Variants in NOS2 observed in about 807,000 individuals in gnomAD.
The protein encoded by NOS2 is nitric oxide synthase, inducible.
A neutral mutation model predicts 136.0 loss-of-function variants in NOS2; 96 were observed. The observed-to-expected ratio is 0.71, with a 90% CI of 0.60 to 0.84. NOS2 has a LOEUF of 0.84. NOS2 is among the 40% of genes least tolerant of loss of function. The pLI is 0.00. For synonymous variants in NOS2, 539 were observed against 587.5 expected (o/e 0.92, Z 1.20); for missense variants, 1,237 against 1,496.9 (o/e 0.83, Z 2.87).
chr17:27,761,710 T>C (rs550000804), intron 22 of NOS2, among the ~76,000 whole-genome samples: 18 of 152,164 alleles, frequency 1.2e-4, no homozygotes, highest in African/African-American at 3.9e-4. Context: ...GTGGATGAGT[T>C]CCGCGCATTT....
At chr17:27,773,678 C>T (rs1908571319) in intron 12 of NOS2, among the ~76,000 whole-genome samples, 1 of 152,114 alleles carries the variant, frequency 6.6e-6, no homozygotes, top group Non-Finnish European at 1.5e-5. Flanking sequence ...GGAAGCTCTT[C>T]CTTTAGATGA....
chr17:27,799,862 A>G (rs1055769783), intron 1 of NOS2, among the ~76,000 whole-genome samples: 2 of 151,998 alleles, frequency 1.3e-5, no homozygotes, highest in African/African-American at 2.4e-5. Flanking sequence ...AAGGAAGGAA[A>G]GAGGGAAAGA....
rs200519404 is a variant in NOS2, at chr17:27,761,175, G to C, written c.2857C>G (p.Pro953Ala). The C allele has an allele frequency of 1.3e-5, 21 of 1,608,914 alleles. No individual in the cohort carries two copies. The highest frequency in any genetic ancestry group is 1.7e-5 in the Non-Finnish European group (20 of 1,178,440). The change falls in exon 23 of 27, where the codon CCC becomes GCC. Residue 953 changes from proline (P) to alanine (A), a missense_variant. This residue lies in a region of NOS2 where 782 missense variants were observed against 909.9 expected (regional missense o/e 0.86). Transcript: ENST00000313735. Reference sequence around the variant, plus strand: ...ACAAAGCAGGGCACTGGGTCTTGGGGCTTCAGGCTGTTGAGCCATGTGCTG... The same window carrying C: ...ACAAAGCAGGGCACTGGGTCTTGGGCCTTCAGGCTGTTGAGCCATGTGCTG... ...VCSTWLNSLK[P>A]QDPVPCFVRN...
chr17:27,767,957 A>T (rs1908362810), intron 17 of NOS2, 120 bp from the exon 18 acceptor site: 2 of 1,253,104 alleles, frequency 1.6e-6, no homozygotes, highest in Non-Finnish European at 2.2e-6. Context: ...GTTTCGTGTA[A>T]CTTCGAAGCA....
At chr17:27,779,306 ATTATTATTATTATTATTATT>A (rs1485017786) in intron 9 of NOS2, among the ~76,000 whole-genome samples, 1 of 145,510 alleles carries the variant, frequency 6.9e-6, no homozygotes, top group Non-Finnish European at 1.5e-5. Flanking sequence ...TATTATTATT[ATTATTATTATTATTATTATT>A]ATTTTATAGA....
At position 27,774,565 on chromosome 17, in the gene NOS2, C is replaced by T. The variant is rs926892279; in HGVS notation, c.1282-114G>A. 8.7e-5 allele frequency: 59 copies of T among 674,856 alleles called. 1 individual carries two copies. In the South Asian group the frequency reaches 8.8e-4, roughly 10 times the overall value. 41.8% of individuals were successfully genotyped at this position (674,856 alleles called of 1,614,324 possible). On this transcript the variant is annotated intron_variant, in intron 11 of 26. Transcript: ENST00000313735. ...TGGGAAGGCCTGGCAATCTGTAACA[C>T]GGGAGAGCAACTCCTGGCCCTCTCC...
rs1320634348 is a variant in NOS2, at chr17:27,769,532, T to C, written c.1859+3A>G. ...AGGAGTAGGACAACGGAAAAAGCTT[T>C]ACCTGAATTTGTTGTTGAGCTCTTT... On this transcript the variant is annotated splice_donor_region_variant and intron_variant, in intron 16 of 26. Coordinates refer to ENST00000313735, the MANE Select transcript of NOS2 (RefSeq NM_000625.4). 4.3e-6 allele frequency: 7 copies of C among 1,612,868 alleles called. No individual in the cohort carries two copies. The highest frequency in any genetic ancestry group is 5.1e-6 in the Non-Finnish European group (6 of 1,179,190).
chr17:27,770,869 G>A (rs201956477), intron 15 of NOS2, 44 bp downstream of exon 15: 61 of 1,462,288 alleles, frequency 4.2e-5, no homozygotes, highest in Middle Eastern at 1.7e-4. Flanking sequence ...GGGTCCTCCC[G>A]TGCCCTACCA....
In NOS2 at chr17:27,757,348, C is replaced by G. The variant is rs758485499; in HGVS notation, c.3360G>C (p.Gln1120His). ...CAAAGATATCTTCGTGATAGCGCTT[C>G]TGGCTCTTTTAGGTAAAAACAGAGA... The part of the protein sequence containing the change: ...VEDYFFQLKS[Q>H]KRYHEDIFGA... The change falls in exon 27 of 27, where the codon CAG (glutamine) becomes CAC (histidine). Residue 1120 changes from glutamine to histidine, a missense_variant. By Grantham distance (24) the Gln-to-His change is conservative. This residue lies in a region of NOS2 where 782 missense variants were observed against 909.9 expected (regional missense o/e 0.86). Coordinates refer to ENST00000313735, the MANE Select transcript of NOS2 (RefSeq NM_000625.4). The G allele has an allele frequency of 1.2e-6, 2 of 1,613,894 alleles. No homozygotes were observed. The highest frequency in any genetic ancestry group is 2.7e-5 in the African/African-American group (2 of 74,932).
chr17:27,758,339 C>T (rs1907994516), intron 26 of NOS2, among the ~76,000 whole-genome samples: 1 of 152,198 alleles, frequency 6.6e-6, no homozygotes, highest in Admixed American at 6.5e-5. Flanking sequence ...GTGCCTCCCT[C>T]ATAAAGTCCT....
rs775527190 is a variant in NOS2, at chr17:27,783,070, C to A, written c.504G>T (p.Ala168=). The A allele has an allele frequency of 1.2e-6, 2 of 1,614,150 alleles. No individual in the cohort carries two copies. Among genetic ancestry groups the A allele is most frequent in the Non-Finnish European group, 1.7e-6 (2 of 1,180,034 alleles). Residue 168 remains alanine (A), a synonymous_variant, in exon 6 of 27, where the codon GCG becomes GCT. Transcript: ENST00000313735. The part of the protein sequence containing the change: ...KIEEHLARVE[A]VTKEIETTGT... ...CTGTTGTTTCTATCTCCTTTGTTAC[C>A]GCTTCCACCCTGGCCAGATGTTCCT...
At chr17:27,792,550 G>A (rs1261260064) in intron 2 of NOS2, among the ~76,000 whole-genome samples, 1 of 152,086 alleles carries the variant, frequency 6.6e-6, no homozygotes, top group Non-Finnish European at 1.5e-5. Flanking sequence ...CAGACTCCAG[G>A]TGAGCACCTT....
At chr17:27,773,011 G>C (rs1908545345) in intron 13 of NOS2, 150 bp downstream of exon 13, 1 of 736,260 alleles carries the variant, frequency 1.4e-6, no homozygotes, top group African/African-American at 1.8e-5. Context: ...CCCCAGCCTG[G>C]GTGACAGAGT....
chr17:27,760,172 C>T lies in NOS2; in HGVS notation c.3017G>A (p.Arg1006Gln). Residue 1006 changes from arginine (R) to glutamine (Q), a missense_variant, in exon 25 of 27, where the codon CGG becomes CAG. Arg to Gln is a conservative substitution (Grantham distance 43). Coordinates refer to ENST00000313735, the MANE Select transcript of NOS2 (RefSeq NM_000625.4). ...AAACACCAAGGTCATGCGGCCTCCC[C>T]GCACTCCTGCAGGAGTCCCGGGCTG... is the stretch of plus-strand genomic sequence containing the variant. ...RLHDSQHKGVRGGRMTLVFGC... is the reference protein window; with the variant it reads ...RLHDSQHKGVQGGRMTLVFGC... 2 of 1,571,860 alleles carry T rather than the reference C, an allele frequency of 1.3e-6. No homozygotes were observed. Among genetic ancestry groups the T allele is most frequent in the South Asian group, 1.2e-5 (1 of 84,654 alleles).
At chr17:27,785,654 G>A (rs1341419777) in intron 5 of NOS2, among the ~76,000 whole-genome samples, 3 of 152,052 alleles carry the variant, frequency 2.0e-5, no homozygotes, top group Admixed American at 1.3e-4. Context: ...AGACATTCTA[G>A]GGTTGTAGAA....
intron 2 of NOS2, chr17:27,793,568 G>T: frequency 2.5e-6 from 1 of 397,424 alleles, no homozygotes; most frequent in South Asian, 1.3e-4. Context: ...TCCCAGGGCG[G>T]ACTTCGGCCC....
In NOS2 at chr17:27,778,748, G is replaced by A. The variant is rs1368275605; in HGVS notation, c.1223C>T (p.Ser408Leu). The A allele has an allele frequency of 6.2e-6, 10 of 1,614,048 alleles. No individual in the cohort carries two copies. Among genetic ancestry groups the A allele is most frequent in the South Asian group, 2.2e-5 (2 of 91,076 alleles). Reference sequence around the variant, plus strand: ...AACGACAGCCTGGTCTTTCCAGAGCGAGGCCAGCTTGTGCGTTTCCAGGCC... The same window carrying A: ...AACGACAGCCTGGTCTTTCCAGAGCAAGGCCAGCTTGTGCGTTTCCAGGCC... Reference protein sequence around the residue: ...RMGLETHKLASLWKDQAVVEI... With the variant: ...RMGLETHKLALLWKDQAVVEI... The change falls in exon 11 of 27, where the codon TCG (serine) becomes TTG (leucine). Residue 408 changes from serine to leucine, a missense_variant. Coordinates refer to ENST00000313735, the MANE Select transcript of NOS2 (RefSeq NM_000625.4).
At chr17:27,762,301 G>A (rs1369997322) in intron 22 of NOS2, among the ~76,000 whole-genome samples, 3 of 152,218 alleles carry the variant, frequency 2.0e-5, no homozygotes, top group Non-Finnish European at 4.4e-5. Context: ...CCACCCCAGT[G>A]CCAGGCACCC....
At position 27,773,203 on chromosome 17, in the gene NOS2, C is replaced by T. The variant is rs3729717; in HGVS notation, c.1517G>A (p.Arg506Gln). 48 of 1,613,984 alleles carry T rather than the reference C, an allele frequency of 3.0e-5. No homozygotes were observed. Among genetic ancestry groups the T allele is most frequent in the African/African-American group, 1.2e-4 (9 of 74,946 alleles). ...TGGAATCTCTCTTCTCTTGGGTCTC[C>T]GCTTCTCGTCCTGCCAGACATGGGT... ...WKTHVWQDEK[R>Q]RPKRREIPLK... Residue 506 changes from arginine (R) to glutamine (Q), a missense_variant, in exon 13 of 27, where the codon CGG becomes CAG. Around this residue, in one of 3 missense-constraint regions of NOS2, gnomAD observed 782 missense variants for 909.9 expected, o/e 0.86. Transcript: ENST00000313735.
Sources: gnomAD v4.1 joint callset for allele counts (sites outside exome capture counted in the v4.1 genomes callset) on GRCh38, gnomAD v4.1.1 for gene constraint, gnomAD v4.1.1 regional missense constraint, MANE v1.5 for transcripts, NCBI Gene and HGNC (gene_info 2026-07-23, HGNC 2026-07-21) for gene names.